TMEM132B: variants seen among roughly 807,000 people sequenced by gnomAD.
The protein encoded by TMEM132B is transmembrane protein 132B.
In TMEM132B, 18 loss-of-function variants were observed where a neutral mutation model predicts 90.8. The ratio of observed to expected loss-of-function variants is 0.20; its 90% CI spans 0.14 to 0.29. The LOEUF (loss-of-function observed/expected upper bound fraction) is 0.29. TMEM132B is among the 10% of genes least tolerant of loss of function. The pLI, the probability that TMEM132B is intolerant of heterozygous loss-of-function variation, is 1.00. For missense variants in TMEM132B, 1,096 were observed against 1,326.8 expected (o/e 0.83, Z 2.70); for synonymous variants, 504 against 523.3 (o/e 0.96, Z 0.50).
At chr12:125,570,467 A>G (rs1160916059) in intron 4 of TMEM132B, among the ~76,000 whole-genome samples, 2 of 152,202 alleles carry the variant, frequency 1.3e-5, no homozygotes, top group East Asian at 1.9e-4. Flanking sequence ...TGCTTCTTCC[A>G]TCTGTTGTCA....
chr12:125,641,802 T>TG (rs1886637734), intron 5 of TMEM132B, among the ~76,000 whole-genome samples: 1 of 152,164 alleles, frequency 6.6e-6, no homozygotes, highest in South Asian at 2.1e-4. Flanking sequence ...GATGTGTGAT[T>TG]GGGGGTGGTT....
At chr12:125,651,039 C>T in intron 7 of TMEM132B, 86 bp downstream of exon 7, 2 of 1,529,512 alleles carry the variant, frequency 1.3e-6, no homozygotes, top group Non-Finnish European at 1.8e-6. Flanking sequence ...TGTCTGTGTG[C>T]ACATGTGCAT....
At chr12:125,453,445 G>A (rs1306446147) in intron 3 of TMEM132B, among the ~76,000 whole-genome samples, 2 of 152,104 alleles carry the variant, frequency 1.3e-5, no homozygotes, top group Non-Finnish European at 1.5e-5. Context: ...CAAAGCAAGA[G>A]CATTAATGTA....
chr12:125,457,626 G>T (rs1881328378), intron 3 of TMEM132B, among the ~76,000 whole-genome samples: 1 of 152,174 alleles, frequency 6.6e-6, no homozygotes, highest in African/African-American at 2.4e-5. Context: ...CTGGGGCAGG[G>T]GAATAGTTGA....
chr12:125,274,671 C>T (rs979655095), intron 1 of TMEM132B, among the ~76,000 whole-genome samples: 1 of 152,186 alleles, frequency 6.6e-6, no homozygotes, highest in Non-Finnish European at 1.5e-5. Flanking sequence ...ATATTAACTT[C>T]GCGGTAATAC....
intron 5 of TMEM132B, among the ~76,000 whole-genome samples, chr12:125,595,908 A>G (rs912798309): frequency 6.6e-6 from 1 of 151,978 alleles, no homozygotes; most frequent in African/African-American, 2.4e-5. Flanking sequence ...ACTATCCACA[A>G]ACTAACTTTA....
chr12:125,368,326 G>T (rs187435952), intron 2 of TMEM132B, among the ~76,000 whole-genome samples: 67 of 152,234 alleles, frequency 4.4e-4, no homozygotes, highest in African/African-American at 7.7e-4. Flanking sequence ...CTATGAGGTT[G>T]TGCATAATTT....
chr12:125,526,179 C>T (rs1203217193), intron 4 of TMEM132B, among the ~76,000 whole-genome samples: 1 of 152,194 alleles, frequency 6.6e-6, no homozygotes, highest in African/African-American at 2.4e-5. Context: ...CCTTGTGACA[C>T]AGTAAAACTG....
chr12:125,504,865 A>G (rs1255521829), intron 3 of TMEM132B, among the ~76,000 whole-genome samples: 1 of 151,878 alleles, frequency 6.6e-6, no homozygotes, highest in African/African-American at 2.4e-5. Context: ...GGCAACCACA[A>G]CCACTGGAAA....
At chr12:125,627,192 T>C (rs148056519) in intron 5 of TMEM132B, among the ~76,000 whole-genome samples, 1 of 152,322 alleles carries the variant, frequency 6.6e-6, no homozygotes, top group Non-Finnish European at 1.5e-5. Context: ...TCTTCTCCTT[T>C]ATGTTGCCTA....
chr12:125,514,634 C>T lies in TMEM132B; in HGVS notation c.1107-4805C>T, dbSNP rs181972595. Reference sequence around the variant, plus strand: ...GCCTGGTAGCTCAGAACCATCCAGACGTTTGCAAAAAATAATCTATGTAAA... The same window carrying T: ...GCCTGGTAGCTCAGAACCATCCAGATGTTTGCAAAAAATAATCTATGTAAA... On this transcript the variant is annotated intron_variant, in intron 3 of 8. Transcript: ENST00000682704. 1.4e-3 allele frequency among the ~76,000 whole-genome samples: 220 copies of T among 152,322 alleles called. 1 individual carries two copies. Among genetic ancestry groups the T allele is most frequent in the Non-Finnish European group, 2.7e-3 (182 of 68,022 alleles).
rs1398252290 is a variant in TMEM132B, at chr12:125,589,468, C to T, written c.1437+5474C>T. 1.1e-4 allele frequency among the ~76,000 whole-genome samples: 12 copies of T among 107,192 alleles called. No homozygotes were observed. The Admixed American group carries it at 1.6e-3, about 15-fold the overall frequency. The allele number at this position is 107,192 out of a possible 152,430, so 70.3% of individuals were successfully genotyped here. ...CTGCACCCCAGCCCGGGTGACAGAG[C>T]GAGACTCCGTCTCAAAAAAAAAAAA... On this transcript the variant is annotated intron_variant, in intron 5 of 8. Coordinates refer to ENST00000682704, the MANE Select transcript of TMEM132B (RefSeq NM_001366854.1).
intron 3 of TMEM132B, among the ~76,000 whole-genome samples, chr12:125,416,634 G>T (rs1427523102): frequency 6.6e-6 from 1 of 152,196 alleles, no homozygotes; most frequent in African/African-American, 2.4e-5. Context: ...TCTCTTCTTG[G>T]GTGACCCCAG....
At chr12:125,582,132 A>C (rs1047647346) in intron 4 of TMEM132B, among the ~76,000 whole-genome samples, 2 of 152,162 alleles carry the variant, frequency 1.3e-5, no homozygotes, top group African/African-American at 4.8e-5. Flanking sequence ...GTTTAATATC[A>C]ACAAAAAATA....
In TMEM132B at chr12:125,349,733, G is replaced by C; in HGVS notation, c.349G>C (p.Asp117His). 5 of 1,614,198 alleles carry C rather than the reference G, an allele frequency of 3.1e-6. No individual in the cohort carries two copies. Among genetic ancestry groups the C allele is most frequent in the East Asian group, 2.2e-5 (1 of 44,886 alleles). Reference sequence around the variant, plus strand: ...GACATCTACAGCCTTTGGAAACATGGACAAATTTCCCTTCAACTGGAAATT... The same window carrying C: ...GACATCTACAGCCTTTGGAAACATGCACAAATTTCCCTTCAACTGGAAATT... ...LLTSTAFGNM[D>H]KFPFNWKLKS... is the part of the protein sequence containing the mutation. The change falls in exon 2 of 9, where the codon GAC becomes CAC. Residue 117 changes from aspartate to histidine, a missense_variant. Asp to His is a moderately conservative substitution (Grantham distance 81). Transcript: ENST00000682704. This position sits in a 1 kb window ranked among gnomAD's most constrained non-coding sequence, Gnocchi z 4.1.
At chr12:125,479,567 C>A (rs538932484) in intron 3 of TMEM132B, among the ~76,000 whole-genome samples, 1 of 152,246 alleles carries the variant, frequency 6.6e-6, no homozygotes, top group Non-Finnish European at 1.5e-5. Flanking sequence ...GCTAACTGTC[C>A]TAAATATATA....
chr12:125,528,887 G>A (rs1002329420), intron 4 of TMEM132B, among the ~76,000 whole-genome samples: 7 of 152,112 alleles, frequency 4.6e-5, no homozygotes, highest in Admixed American at 2.6e-4. Flanking sequence ...CAGGATGAGG[G>A]GATGGTTTCA....
At chr12:125,216,858 C>T (rs576272284) in intron 1 of TMEM132B, among the ~76,000 whole-genome samples, 3 of 152,136 alleles carry the variant, frequency 2.0e-5, no homozygotes, top group African/African-American at 7.2e-5. Flanking sequence ...GCAAGCTGGC[C>T]GGAGGCATCG....
chr12:125,598,672 T>C (rs1333248904), intron 5 of TMEM132B, among the ~76,000 whole-genome samples: 3 of 152,202 alleles, frequency 2.0e-5, no homozygotes, highest in African/African-American at 7.2e-5. Context: ...AAACTTTCCT[T>C]TAATAGGATG....
Sources: allele counts gnomAD v4.1 joint callset (sites outside exome capture counted in the v4.1 genomes callset), GRCh38; gene constraint gnomAD v4.1.1; non-coding constraint Gnocchi (gnomAD v3.1); transcripts MANE v1.5; gene names NCBI Gene and HGNC (gene_info 2026-07-23, HGNC 2026-07-21).